Variants in DENND2C observed in about 807,000 individuals in gnomAD.
DENND2C encodes the protein DENN domain-containing protein 2C.
A neutral mutation model predicts 112.4 loss-of-function variants in DENND2C; 72 were observed. The ratio of observed to expected loss-of-function variants is 0.64; its 90% CI spans 0.53 to 0.78. The LOEUF is 0.78. Among genes scored for constraint, DENND2C ranks in the 30% least tolerant of loss-of-function variants. The pLI, the probability that DENND2C is intolerant of heterozygous loss-of-function variation, is 0.00. For missense variants in DENND2C, 992 were observed against 1,113.8 expected, an observed-to-expected ratio of 0.89 and a Z score of 1.56; for synonymous variants, 329 against 381.6, an observed-to-expected ratio of 0.86 and a Z score of 1.61.
At chr1:114,630,148 A>G (rs879657323) in intron 3 of DENND2C, among the ~76,000 whole-genome samples, 1 of 152,016 alleles carries the variant, frequency 6.6e-6, no homozygotes, top group Admixed American at 6.6e-5. Context: ...CCCCATCTCT[A>G]CTAAAAATTA....
At chr1:114,587,314 T>A in intron 20 of DENND2C, 73 bp downstream of exon 20, 5 of 1,540,366 alleles carry the variant, frequency 3.2e-6, no homozygotes, top group Non-Finnish European at 4.5e-6. Context: ...CGCAAAGTGC[T>A]GGAATTACAG....
chr1:114,610,736 G>C (rs1414089751), intron 9 of DENND2C, among the ~76,000 whole-genome samples: 3 of 151,712 alleles, frequency 2.0e-5, no homozygotes, highest in Non-Finnish European at 4.4e-5. Context: ...TTACTGCTCA[G>C]AGGATGATTC....
intron 1 of DENND2C, among the ~76,000 whole-genome samples, chr1:114,664,047 T>TC (rs1657579120): frequency 6.6e-6 from 1 of 150,972 alleles, no homozygotes; most frequent in Non-Finnish European, 1.5e-5. Context: ...CTAGCAATTC[T>TC]CCCACCTCAG....
chr1:114,647,750 C>T lies in DENND2C; in HGVS notation c.-316-2191G>A, dbSNP rs1246610756. On this transcript the variant is annotated intron_variant, in intron 2 of 20. Coordinates refer to ENST00000393274, the MANE Select transcript of DENND2C (RefSeq NM_001256404.2). ...TAGCATATATTTTAAATAATTATTA[C>T]TTATTAAGTGTTTACATTTGCCAGG... Among the ~76,000 whole-genome samples, 3 of 151,640 alleles carry T rather than the reference C, an allele frequency of 2.0e-5. No individual in the cohort carries two copies. The East Asian group carries it at 5.8e-4, about 29-fold the overall frequency.
chr1:114,613,769 T>C (rs899148054), intron 8 of DENND2C, among the ~76,000 whole-genome samples: 3 of 152,192 alleles, frequency 2.0e-5, no homozygotes, highest in African/African-American at 7.2e-5. Context: ...AGACAATGAA[T>C]GAAGGTTAGT....
chr1:114,596,937 A>G (rs1289038945), intron 16 of DENND2C, among the ~76,000 whole-genome samples: 1 of 152,096 alleles, frequency 6.6e-6, no homozygotes, highest in African/African-American at 2.4e-5. Context: ...GTTAAAGGCA[A>G]AATAATGAAA....
chr1:114,628,015 T>C (rs2101669680), intron 3 of DENND2C, among the ~76,000 whole-genome samples: 1 of 152,204 alleles, frequency 6.6e-6, no homozygotes, highest in East Asian at 1.9e-4. Flanking sequence ...TGAAAATTAC[T>C]AGCAACATGG....
At chr1:114,648,077 G>A (rs940081875) in intron 2 of DENND2C, among the ~76,000 whole-genome samples, 2 of 152,188 alleles carry the variant, frequency 1.3e-5, no homozygotes, top group African/African-American at 4.8e-5. Flanking sequence ...CAAAGTGCTG[G>A]GATTACAGGC....
chr1:114,640,394 T>A (rs1656802022), intron 3 of DENND2C, among the ~76,000 whole-genome samples: 1 of 152,266 alleles, frequency 6.6e-6, no homozygotes. Flanking sequence ...TTCTTGTTAC[T>A]ATCAGAGCAA....
chr1:114,593,175 C>T (rs2101642183), intron 18 of DENND2C, among the ~76,000 whole-genome samples: 1 of 152,228 alleles, frequency 6.6e-6, no homozygotes, highest in South Asian at 2.1e-4. Context: ...GGTTTTTCTC[C>T]TTCTTTACTG....
chr1:114,594,680 T>C (rs1274453655), intron 17 of DENND2C, 102 bp from the exon 18 acceptor site: 19 of 964,396 alleles, frequency 2.0e-5, no homozygotes, highest in Non-Finnish European at 2.9e-5. Flanking sequence ...CAAGTGACTG[T>C]ATATATTTTG....
At chr1:114,617,058 G>A (rs897193119) in intron 8 of DENND2C, among the ~76,000 whole-genome samples, 2 of 152,114 alleles carry the variant, frequency 1.3e-5, no homozygotes, top group African/African-American at 4.8e-5. Flanking sequence ...ACTCTCATGA[G>A]AATAGCACGG....
intron 1 of DENND2C, among the ~76,000 whole-genome samples, chr1:114,667,039 C>A (rs1223266605): frequency 6.6e-6 from 1 of 152,156 alleles, no homozygotes; most frequent in Non-Finnish European, 1.5e-5. Flanking sequence ...ACACCCTGGC[C>A]TTCAGTACAA....
chr1:114,666,042 T>C (rs1657638010), intron 1 of DENND2C, among the ~76,000 whole-genome samples: 1 of 152,140 alleles, frequency 6.6e-6, no homozygotes, highest in South Asian at 2.1e-4. Context: ...CTTCCTCCAA[T>C]ATTAAAAAAT....
At chr1:114,661,572 AG>A (rs1280072042) in intron 1 of DENND2C, among the ~76,000 whole-genome samples, 1 of 152,190 alleles carries the variant, frequency 6.6e-6, no homozygotes, top group Non-Finnish European at 1.5e-5. Flanking sequence ...TTAACTTTAA[AG>A]GTTTTTAATT....
intron 2 of DENND2C, among the ~76,000 whole-genome samples, chr1:114,649,064 C>A (rs989980978): frequency 1.3e-5 from 2 of 151,912 alleles, no homozygotes; most frequent in Non-Finnish European, 2.9e-5. Flanking sequence ...AAATGATTCT[C>A]CTGCCTCAGC....
intron 3 of DENND2C, among the ~76,000 whole-genome samples, chr1:114,629,376 C>A (rs1656428765): frequency 6.6e-6 from 1 of 152,212 alleles, no homozygotes; most frequent in Non-Finnish European, 1.5e-5. Flanking sequence ...CTCCCAGGTT[C>A]AAACAATTCT....
chr1:114,669,708 G>C (rs377042955), intron 1 of DENND2C, among the ~76,000 whole-genome samples: 1 of 152,028 alleles, frequency 6.6e-6, no homozygotes, highest in African/African-American at 2.4e-5. Flanking sequence ...CTGAGGTAGC[G>C]AGGAGGTCTT....
At chr1:114,641,260 C>CAAA (rs11316853) in intron 3 of DENND2C, among the ~76,000 whole-genome samples, 1 of 99,006 alleles carries the variant, frequency 1.0e-5, no homozygotes, top group Non-Finnish European at 2.0e-5. Flanking sequence ...GATCCTTTCT[C>CAAA]AAAAAAAAAA....
Sources: allele counts gnomAD v4.1 joint callset (sites outside exome capture counted in the v4.1 genomes callset), GRCh38; gene constraint gnomAD v4.1.1; transcripts MANE v1.5; gene names NCBI Gene and HGNC (gene_info 2026-07-23, HGNC 2026-07-21).